PPP1R12B: variants seen among roughly 807,000 people sequenced by gnomAD.
The protein encoded by PPP1R12B is myosin phosphatase target subunit 2.
Under a neutral mutation model 126.1 loss-of-function variants are expected in PPP1R12B, and 76 were observed. The observed-to-expected ratio is 0.60, with a 90% CI of 0.50 to 0.73. The LOEUF is 0.73. Ranked by LOEUF, PPP1R12B falls within the 30% of genes least tolerant of loss-of-function variation. PPP1R12B has a pLI of 0.00. For missense variants in PPP1R12B, 1,052 were observed against 1,205.1 expected (o/e 0.87, Z 1.88); for synonymous variants, 356 against 434.7 (o/e 0.82, Z 2.25).
chr1:202,374,444 C>T (rs1311518876), intron 1 of PPP1R12B, among the ~76,000 whole-genome samples: 1 of 149,612 alleles, frequency 6.7e-6, no homozygotes, highest in African/African-American at 2.4e-5. Context: ...TCCTGTGGAT[C>T]ATACCTCCTA....
At chr1:202,538,139 G>T (rs1558347381) in intron 18 of PPP1R12B, among the ~76,000 whole-genome samples, 1 of 152,130 alleles carries the variant, frequency 6.6e-6, no homozygotes, top group Non-Finnish European at 1.5e-5. Context: ...GACTACAGGT[G>T]CCCCCCACAA....
At chr1:202,513,443 T>C (rs930330950) in intron 18 of PPP1R12B, among the ~76,000 whole-genome samples, 2 of 152,200 alleles carry the variant, frequency 1.3e-5, no homozygotes, top group Non-Finnish European at 2.9e-5. Context: ...GGGATGAAGA[T>C]AATGATTTTG....
At chr1:202,438,868 A>G (rs1040001052) in intron 10 of PPP1R12B, 13 of 1,281,874 alleles carry the variant, frequency 1.0e-5, no homozygotes, top group Non-Finnish European at 1.0e-5. Context: ...ATCTACTGCT[A>G]TAGCCCCCAG....
intron 12 of PPP1R12B, among the ~76,000 whole-genome samples, chr1:202,443,733 A>G (rs1373378994): frequency 6.6e-6 from 1 of 152,220 alleles, no homozygotes; most frequent in Non-Finnish European, 1.5e-5. Flanking sequence ...GATCAAGAAA[A>G]CTTTTCTAAG....
chr1:202,436,867 T>G lies in PPP1R12B; in HGVS notation c.1255-954T>G, dbSNP rs1028830047. ...ACCTCTAGTTTTTTTTTTGTTTTTT[T>G]TTGTTGTTGTTGTTTTTGCTGGTCA... On this transcript the variant is annotated intron_variant, in intron 9 of 23. Coordinates refer to ENST00000608999, the MANE Select transcript of PPP1R12B (RefSeq NM_002481.4). Among the ~76,000 whole-genome samples, 42 of 152,078 alleles carry G rather than the reference T, an allele frequency of 2.8e-4. 2 individuals are homozygous for G. The highest frequency in any genetic ancestry group is 1.0e-4 in the Non-Finnish European group (7 of 68,002).
At chr1:202,481,888 T>G (rs1379404753) in intron 13 of PPP1R12B, among the ~76,000 whole-genome samples, 4 of 152,100 alleles carry the variant, frequency 2.6e-5, no homozygotes, top group Non-Finnish European at 4.4e-5. Context: ...TCTCACCTCT[T>G]CCCTCCCCAG....
At position 202,434,743 on chromosome 1, in the gene PPP1R12B, C is replaced by G. The variant is rs1272161678; in HGVS notation, c.1229C>G (p.Thr410Ser). 15 of 1,613,752 alleles carry G rather than the reference C, an allele frequency of 9.3e-6. No homozygotes were observed. Among genetic ancestry groups the G allele is most frequent in the Non-Finnish European group, 1.3e-5 (15 of 1,179,898 alleles). The change falls in exon 9 of 24, where the codon ACC becomes AGC. Residue 410 changes from threonine (T) to serine (S), a missense_variant. By Grantham distance (58) the Thr-to-Ser change is moderately conservative. Transcript: ENST00000608999. ...TEQIPAPAQN[T>S]FSASSARRFS... ...CAGATACCAGCACCAGCTCAAAATACCTTCTCTGCCTCTTCTGCTAGGAGG... is the reference window on the plus strand; with the variant it reads ...CAGATACCAGCACCAGCTCAAAATAGCTTCTCTGCCTCTTCTGCTAGGAGG...
In PPP1R12B at chr1:202,425,712, T is replaced by C; in HGVS notation, c.688T>C (p.Ser230Pro). Residue 230 changes from serine (S) to proline (P), a missense_variant, in exon 4 of 24, where the codon TCT becomes CCT. Physicochemically the swap from Ser to Pro is moderately conservative, Grantham distance 74 (BLOSUM62 -1). Transcript: ENST00000608999. ...ALHVAAAKGY[S>P]EVLRLLIQAG... Reference sequence around the variant, plus strand: ...TCATGTGGCTGCTGCCAAGGGCTACTCTGAAGTCCTCAGGTATTGTCCATT... The same window carrying C: ...TCATGTGGCTGCTGCCAAGGGCTACCCTGAAGTCCTCAGGTATTGTCCATT... 1.9e-6 allele frequency: 3 copies of C among 1,613,674 alleles called. No homozygotes were observed. In the East Asian group the frequency reaches 6.7e-5, roughly 36 times the overall value.
intron 18 of PPP1R12B, among the ~76,000 whole-genome samples, chr1:202,506,196 A>G (rs1362845887): frequency 6.6e-6 from 1 of 152,206 alleles, no homozygotes; most frequent in Non-Finnish European, 1.5e-5. Flanking sequence ...GGTTGACTCC[A>G]CATTGGCCTC....
At chr1:202,428,315 T>C (rs532342908) in intron 5 of PPP1R12B, among the ~76,000 whole-genome samples, 5 of 152,320 alleles carry the variant, frequency 3.3e-5, no homozygotes, top group African/African-American at 1.2e-4. Context: ...GCCTTTTAAT[T>C]AGTAGATATT....
intron 1 of PPP1R12B, among the ~76,000 whole-genome samples, chr1:202,378,519 A>C (rs1661655695): frequency 6.6e-6 from 1 of 151,924 alleles, no homozygotes; most frequent in South Asian, 2.1e-4. Flanking sequence ...TTGCTCTGTC[A>C]CCTAGGTTGG....
At chr1:202,409,774 C>T (rs1316211000) in intron 1 of PPP1R12B, among the ~76,000 whole-genome samples, 1 of 152,120 alleles carries the variant, frequency 6.6e-6, no homozygotes, top group African/African-American at 2.4e-5. Context: ...AGCGATCCTC[C>T]CTCCTCAGCC....
intron 1 of PPP1R12B, among the ~76,000 whole-genome samples, chr1:202,380,062 A>G (rs1661982326): frequency 6.6e-6 from 1 of 152,042 alleles, no homozygotes; most frequent in Non-Finnish European, 1.5e-5. Flanking sequence ...CCTCATTCAC[A>G]TACCTTCTCA....
intron 23 of PPP1R12B, chr1:202,575,122 A>G: frequency 6.2e-7 from 1 of 1,613,714 alleles, no homozygotes; most frequent in Non-Finnish European, 8.5e-7. Context: ...GTCCTCGGAC[A>G]CCCAGGAGCT....
chr1:202,468,831 G>A (rs975510603), intron 13 of PPP1R12B, among the ~76,000 whole-genome samples: 1 of 152,114 alleles, frequency 6.6e-6, no homozygotes, highest in African/African-American at 2.4e-5. Flanking sequence ...GCGCTTGCCT[G>A]TAGTCCTAGC....
At chr1:202,378,502 CAG>C (rs1252902201) in intron 1 of PPP1R12B, among the ~76,000 whole-genome samples, 1 of 152,084 alleles carries the variant, frequency 6.6e-6, no homozygotes, top group Admixed American at 6.6e-5. Flanking sequence ...TGTTTTGGGA[CAG>C]AGTCTTGCTC....
At chr1:202,548,804 CTCTCTA>C (rs1441091444) in intron 18 of PPP1R12B, among the ~76,000 whole-genome samples, 2,282 of 81,960 alleles carry the variant, frequency 0.028, 21 homozygotes, top group Admixed American at 0.055. Flanking sequence ...CTCTCTCTCT[CTCTCTA>C]TATATATATA....
intron 17 of PPP1R12B, 83 bp from the exon 18 acceptor site, chr1:202,496,698 A>G: frequency 1.6e-6 from 2 of 1,248,542 alleles, no homozygotes; most frequent in Non-Finnish European, 2.3e-6. Context: ...GCCAAGATGC[A>G]TAATTGATGG....
At position 202,437,844 on chromosome 1, in the gene PPP1R12B, GC is replaced by G. The variant is rs765159120; in HGVS notation, c.1280del (p.Pro427GlnfsTer16). ...RRFSSGLFNK[P>X]EEPKDESPSS... Reference sequence around the variant, plus strand: ...AGTTCTCTTCTGGCCTTTTTAACAAGCCAGAAGAGCCCAAAGATGAATCTCC... The same window carrying G: ...AGTTCTCTTCTGGCCTTTTTAACAAGCAGAAGAGCCCAAAGATGAATCTCC... On this transcript the variant is annotated frameshift_variant, in exon 10 of 24. Transcript: ENST00000608999. LOFTEE classifies it high-confidence loss of function. 7 of 1,613,294 alleles carry G rather than the reference GC, an allele frequency of 4.3e-6. No individual in the cohort carries two copies. Among genetic ancestry groups the G allele is most frequent in the Non-Finnish European group, 5.9e-6 (7 of 1,179,382 alleles).
Sources: allele counts gnomAD v4.1 joint callset (sites outside exome capture counted in the v4.1 genomes callset), GRCh38; gene constraint gnomAD v4.1.1; transcripts MANE v1.5; gene names NCBI Gene and HGNC (gene_info 2026-07-23, HGNC 2026-07-21).